PCP4: variants seen among roughly 807,000 people sequenced by gnomAD.
PCP4 encodes the protein calmodulin regulator protein PCP4.
Under a neutral mutation model 10.0 loss-of-function variants are expected in PCP4, and 8 were observed. The ratio of observed to expected loss-of-function variants is 0.80; its 90% CI spans 0.47 to 1.45. The LOEUF is 1.45. PCP4 is among the 40% of genes most tolerant of loss of function. The probability of loss-of-function intolerance (pLI) is 0.00; values close to 1 mark genes in which losing one functional copy is unlikely to be tolerated. For synonymous variants in PCP4, 21 were observed against 23.0 expected (o/e 0.91, Z 0.24); for missense variants, 54 against 74.4 (o/e 0.73, Z 1.01).
chr21:39,903,892 A>C (rs2087494312), intron 2 of PCP4, among the ~76,000 whole-genome samples: 2 of 151,680 alleles, frequency 1.3e-5, no homozygotes, highest in South Asian at 2.1e-4. Flanking sequence ...AAAAAAAAAA[A>C]AAAAGACTTA....
chr21:39,904,601 C>T (rs1329899115), intron 2 of PCP4, among the ~76,000 whole-genome samples: 1 of 152,194 alleles, frequency 6.6e-6, no homozygotes, highest in Non-Finnish European at 1.5e-5. Context: ...GAAATGCATT[C>T]TAGAAAGGCT....
chr21:39,889,411 CTTTTTTTTT>C (rs547540626), intron 1 of PCP4, among the ~76,000 whole-genome samples: 1 of 85,686 alleles, frequency 1.2e-5, no homozygotes, highest in African/African-American at 5.1e-5. Flanking sequence ...AAACCAAGTT[CTTTTTTTTT>C]TTTTTTTTTT....
intron 1 of PCP4, among the ~76,000 whole-genome samples, chr21:39,888,197 T>C (rs1233351061): frequency 6.6e-6 from 1 of 152,214 alleles, no homozygotes; most frequent in South Asian, 2.1e-4. Flanking sequence ...TAGCACTTGC[T>C]AACAAGAGCT....
At chr21:39,899,403 A>G (rs1225379287) in intron 2 of PCP4, among the ~76,000 whole-genome samples, 3 of 152,194 alleles carry the variant, frequency 2.0e-5, no homozygotes, top group Admixed American at 6.5e-5. Flanking sequence ...GTGTCCATCA[A>G]TCAGATTGTG....
At chr21:39,921,130 AGTT>A (rs1464308686) in intron 2 of PCP4, among the ~76,000 whole-genome samples, 1 of 152,228 alleles carries the variant, frequency 6.6e-6, no homozygotes, top group East Asian at 1.9e-4. Flanking sequence ...AATTTGGTAT[AGTT>A]CCCCCAGACA....
intron 1 of PCP4, among the ~76,000 whole-genome samples, chr21:39,874,496 G>A (rs1351874702): frequency 6.6e-6 from 1 of 152,122 alleles, no homozygotes; most frequent in African/African-American, 2.4e-5. Flanking sequence ...ATAATCGAAT[G>A]AAGTAATGGT....
intron 1 of PCP4, among the ~76,000 whole-genome samples, chr21:39,872,092 A>G (rs981269082): frequency 9.2e-5 from 14 of 152,062 alleles, no homozygotes; most frequent in African/African-American, 3.1e-4. Context: ...TCTGCCTCCC[A>G]GGTTCAAGCA....
chr21:39,876,207 C>T (rs553826513), intron 1 of PCP4, among the ~76,000 whole-genome samples: 12 of 152,000 alleles, frequency 7.9e-5, no homozygotes, highest in South Asian at 2.1e-4. Context: ...TGTCGTGAAA[C>T]GGGTCCACAG....
chr21:39,875,405 C>T (rs1157449888), intron 1 of PCP4, among the ~76,000 whole-genome samples: 1 of 152,162 alleles, frequency 6.6e-6, no homozygotes, highest in East Asian at 1.9e-4. Context: ...GGTGCTGCCA[C>T]AAGTCTGCCC....
rs1188378366 is a variant in PCP4, at chr21:39,928,974, C to G, written c.62-10C>G. 1.2e-6 allele frequency: 2 copies of G among 1,610,380 alleles called. No individual in the cohort carries two copies. Among genetic ancestry groups the G allele is most frequent in the Admixed American group, 1.7e-5 (1 of 59,604 alleles). ...GTGATTGCCTTCTGTTTGTGTTTGTCTTGCTACAGATGGACAGAAGAAAGT... is the reference window on the plus strand; with the variant it reads ...GTGATTGCCTTCTGTTTGTGTTTGTGTTGCTACAGATGGACAGAAGAAAGT... On this transcript the variant is annotated splice_polypyrimidine_tract_variant and intron_variant, in intron 2 of 2. Coordinates refer to ENST00000328619, the MANE Select transcript of PCP4 (RefSeq NM_006198.3).
chr21:39,920,772 T>C (rs1200398019), intron 2 of PCP4, among the ~76,000 whole-genome samples: 1 of 152,242 alleles, frequency 6.6e-6, no homozygotes, highest in Non-Finnish European at 1.5e-5. Context: ...GTTAATTATT[T>C]GAAGCCTGCC....
intron 2 of PCP4, among the ~76,000 whole-genome samples, chr21:39,905,771 G>A (rs1012782386): frequency 3.3e-5 from 5 of 152,120 alleles, no homozygotes; most frequent in Non-Finnish European, 5.9e-5. Flanking sequence ...AAATGTGGCC[G>A]GGCACGGTGG....
chr21:39,911,674 T>C (rs1210503085), intron 2 of PCP4, among the ~76,000 whole-genome samples: 2 of 152,236 alleles, frequency 1.3e-5, no homozygotes, highest in African/African-American at 4.8e-5. Context: ...CCCAGCCCCA[T>C]GGCAATGGGA....
intron 1 of PCP4, among the ~76,000 whole-genome samples, chr21:39,879,250 A>G (rs559560141): frequency 2.0e-5 from 3 of 152,286 alleles, no homozygotes; most frequent in South Asian, 4.1e-4. Context: ...CGGCCTCCCA[A>G]AGAGCTGGGA....
intron 2 of PCP4, among the ~76,000 whole-genome samples, chr21:39,901,727 A>G (rs2087483190): frequency 6.6e-6 from 1 of 152,216 alleles, no homozygotes; most frequent in Non-Finnish European, 1.5e-5. Flanking sequence ...TGAATTTGAG[A>G]TTATTTTACA....
intron 2 of PCP4, among the ~76,000 whole-genome samples, chr21:39,920,214 G>T (rs1347721928): frequency 7.0e-6 from 1 of 143,796 alleles, no homozygotes; most frequent in East Asian, 2.2e-4. Context: ...ATGTGTGTTT[G>T]GTGTGGTGTG....
intron 1 of PCP4, among the ~76,000 whole-genome samples, chr21:39,888,538 C>T (rs1486401675): frequency 6.6e-6 from 1 of 152,174 alleles, no homozygotes; most frequent in Non-Finnish European, 1.5e-5. Flanking sequence ...AGGAATTTCT[C>T]CAGTGATACG....
chr21:39,927,350 T>TATC (rs2087629103), intron 2 of PCP4, among the ~76,000 whole-genome samples: 2 of 60,072 alleles, frequency 3.3e-5, no homozygotes, highest in African/African-American at 6.0e-5. Context: ...TCTATCTATC[T>TATC]ATCTATCTAT....
intron 2 of PCP4, among the ~76,000 whole-genome samples, chr21:39,927,376 C>A (rs1394908499): frequency 6.7e-6 from 1 of 149,944 alleles, no homozygotes; most frequent in Non-Finnish European, 1.5e-5. Context: ...TATCATCTAT[C>A]TATCTATCTA....
Sources: gnomAD v4.1 joint callset for allele counts (sites outside exome capture counted in the v4.1 genomes callset) on GRCh38, gnomAD v4.1.1 for gene constraint, MANE v1.5 for transcripts, NCBI Gene and HGNC (gene_info 2026-07-23, HGNC 2026-07-21) for gene names.